The following UBASH3A variants were observed in gnomAD, a reference collection of about 807,000 sequenced individuals.
The protein encoded by UBASH3A is ubiquitin associated and SH3 domain containing A, also known as ubiquitin-associated and SH3 domain-containing protein A.
In UBASH3A, 63 loss-of-function variants were observed where a neutral mutation model predicts 73.5. That is an observed-to-expected ratio of 0.86 (90% CI 0.70 to 1.06). UBASH3A has a LOEUF of 1.06. Among genes scored for constraint, UBASH3A ranks in the 50% least tolerant of loss-of-function variants. The pLI is 0.00. For synonymous variants in UBASH3A, 363 were observed against 351.1 expected, an observed-to-expected ratio of 1.03 and a Z score of -0.38; for missense variants, 860 against 859.0, an observed-to-expected ratio of 1.00 and a Z score of -0.02.
chr21:42,417,871 T>C (rs1192371188), intron 6 of UBASH3A, among the ~76,000 whole-genome samples: 1 of 132,638 alleles, frequency 7.5e-6, no homozygotes, highest in Non-Finnish European at 1.6e-5. Context: ...TTTTTTTTTC[T>C]TTTTTTCTTT....
At chr21:42,425,929 A>G (rs2146550237) in intron 7 of UBASH3A, among the ~76,000 whole-genome samples, 1 of 152,294 alleles carries the variant, frequency 6.6e-6, no homozygotes, top group African/African-American at 2.4e-5. Context: ...GGGATGGTGT[A>G]TTAGTCAGGG....
intron 3 of UBASH3A, among the ~76,000 whole-genome samples, chr21:42,412,036 C>T (rs777259310): frequency 3.9e-5 from 6 of 152,164 alleles, no homozygotes; most frequent in African/African-American, 1.4e-4. Context: ...GAGGGCAGCC[C>T]GGTGCTGGGA....
chr21:42,418,964 T>G (rs78246122), intron 7 of UBASH3A, among the ~76,000 whole-genome samples: 2,617 of 152,232 alleles, frequency 0.017, 78 homozygotes, highest in African/African-American at 0.059. Context: ...AAGTCCTAGG[T>G]CGTATTATTA....
intron 3 of UBASH3A, chr21:42,410,536 C>T (rs1030700459): frequency 1.1e-5 from 4 of 348,308 alleles, no homozygotes; most frequent in African/African-American, 4.2e-5. Context: ...ACCACCACCC[C>T]GGATTGCCCG....
chr21:42,426,116 G>A (rs1200543408), intron 7 of UBASH3A, among the ~76,000 whole-genome samples: 2 of 152,216 alleles, frequency 1.3e-5, no homozygotes, highest in Admixed American at 1.3e-4. Context: ...TACAGCTCAA[G>A]TCCAAAGGTG....
At chr21:42,419,510 G>A (rs969862644) in intron 7 of UBASH3A, among the ~76,000 whole-genome samples, 2 of 152,154 alleles carry the variant, frequency 1.3e-5, no homozygotes, top group South Asian at 2.1e-4. Context: ...TCCTTGCTCC[G>A]ATTTCCTGGA....
intron 10 of UBASH3A, chr21:42,435,607 TA>T (rs1454349031): frequency 6.6e-6 from 1 of 151,266 alleles, no homozygotes; most frequent in Non-Finnish European, 1.5e-5. Context: ...GTCATGGAGT[TA>T]TAGAGTTAGT....
chr21:42,407,720 T>C (rs9981707), intron 2 of UBASH3A, among the ~76,000 whole-genome samples: 74,822 of 152,086 alleles, frequency 0.49, 18,728 homozygotes, highest in African/African-American at 0.53. Flanking sequence ...ACCTTGGCAA[T>C]ATGCACAGCC....
At chr21:42,444,240 C>A (rs1349717717) in intron 13 of UBASH3A, among the ~76,000 whole-genome samples, 1 of 152,210 alleles carries the variant, frequency 6.6e-6, no homozygotes, top group African/African-American at 2.4e-5. Context: ...CGCTACATCC[C>A]AGTCTGTGGC....
chr21:42,447,178 G>C lies in UBASH3A; in HGVS notation c.1970G>C (p.Trp657Ser), dbSNP rs200153989. The C allele has an allele frequency of 7.3e-5, 118 of 1,614,016 alleles. 3 individuals carry two copies. The East Asian group carries it at 2.5e-3, about 34-fold the overall frequency. ...GANAAFNWRNWISGN is the reference protein window; with the variant it reads ...GANAAFNWRNSISGN ...AACGCAGCATTTAACTGGAGGAACT[G>C]GATCTCAGGCAACTGAGAGCCACGG... The change falls in exon 15 of 15, where the codon TGG becomes TCG. Residue 657 changes from tryptophan (W) to serine (S), a missense_variant. Coordinates refer to ENST00000319294, the MANE Select transcript of UBASH3A (RefSeq NM_018961.4).
intron 12 of UBASH3A, among the ~76,000 whole-genome samples, chr21:42,442,827 G>A (rs936864372): frequency 6.6e-6 from 1 of 152,102 alleles, no homozygotes; most frequent in Non-Finnish European, 1.5e-5. Flanking sequence ...TGAGAAGGTG[G>A]GTCATTCTTG....
chr21:42,418,555 T>G lies in UBASH3A; in HGVS notation c.992T>G (p.Leu331Arg), dbSNP rs2053270427. Reference protein sequence around the residue: ...ISQRTGCRGFLPENYTDRASE... With the variant: ...ISQRTGCRGFRPENYTDRASE... Reference sequence around the variant, plus strand: ...CAGCGGACGGGCTGCCGGGGCTTCCTGCCGGAAAACTACACGGATCGAGCC... The same window carrying G: ...CAGCGGACGGGCTGCCGGGGCTTCCGGCCGGAAAACTACACGGATCGAGCC... The change falls in exon 7 of 15, where the codon CTG becomes CGG. Residue 331 changes from leucine (L) to arginine (R), a missense_variant. By Grantham distance (102) the Leu-to-Arg change is moderately radical. Transcript: ENST00000319294. 6.2e-7 allele frequency: 1 copy of G among 1,614,062 alleles called. No homozygotes were observed. Among genetic ancestry groups the G allele is most frequent in the African/African-American group, 1.3e-5 (1 of 74,926 alleles).
At position 42,434,967 on chromosome 21, in the gene UBASH3A, A is replaced by C; in HGVS notation, c.1393+13A>C. On this transcript the variant is annotated intron_variant, in intron 10 of 14. Transcript: ENST00000319294. ...TCCAGAATTGCAGGTATGTTTGAGG[A>C]CTGTCTAGTAGGAAAGGTAACAATA... 6.2e-7 allele frequency: 1 copy of C among 1,613,672 alleles called. No individual in the cohort carries two copies.
chr21:42,409,639 A>G (rs747069809), intron 3 of UBASH3A, 31 bp downstream of exon 3: 2 of 1,581,110 alleles, frequency 1.3e-6, no homozygotes, highest in Middle Eastern at 1.7e-4. Context: ...TTCAATGCTC[A>G]CGGCAGCTGG....
chr21:42,442,351 T>G lies in UBASH3A; in HGVS notation c.1487-101T>G, dbSNP rs1174258931. Reference sequence around the variant, plus strand: ...ATCACACTGTTTAAAAGGCATGATTTAGACGTGTGTGTGACGGTCTGAGAT... The same window carrying G: ...ATCACACTGTTTAAAAGGCATGATTGAGACGTGTGTGTGACGGTCTGAGAT... On this transcript the variant is annotated intron_variant, in intron 11 of 14. Transcript: ENST00000319294. 4 of 1,199,772 alleles carry G rather than the reference T, an allele frequency of 3.3e-6. No individual in the cohort carries two copies. The African/African-American group carries it at 6.1e-5, about 18-fold the overall frequency. The allele number at this position is 1,199,772 out of a possible 1,614,324, so 74.3% of individuals were successfully genotyped here.
At position 42,437,506 on chromosome 21, in the gene UBASH3A, G is replaced by T. The variant is rs1371869736; in HGVS notation, c.1412G>T (p.Ser471Ile). The stretch of plus-strand genomic sequence containing the variant: ...TTTCCAGGGGACGCGCTACTGGACA[G>T]TGGTATCAGAATCAGCTCTGTGTTT... ...SRIAGDALLDSGIRISSVFAS... is the reference protein window; with the variant it reads ...SRIAGDALLDIGIRISSVFAS... Residue 471 changes from serine to isoleucine, a missense_variant, in exon 11 of 15, where the codon AGT (serine) becomes ATT (isoleucine). Coordinates refer to ENST00000319294, the MANE Select transcript of UBASH3A (RefSeq NM_018961.4). The T allele has an allele frequency of 1.2e-6, 2 of 1,614,152 alleles. No homozygotes were observed. The highest frequency in any genetic ancestry group is 1.1e-5 in the South Asian group (1 of 91,086).
intron 11 of UBASH3A, among the ~76,000 whole-genome samples, chr21:42,439,550 G>A (rs1312660324): frequency 6.6e-6 from 1 of 152,168 alleles, no homozygotes; most frequent in African/African-American, 2.4e-5. Flanking sequence ...CCTGACGGCA[G>A]TGTAGCCGGA....
Position 42,416,351 on chromosome 21 carries a change from C to G in UBASH3A, c.668-91C>G, listed in dbSNP as rs181485669. 1.1e-4 allele frequency: 155 copies of G among 1,364,714 alleles called. 5 individuals are homozygous for G. The Admixed American group carries it at 4.0e-3, about 35-fold the overall frequency. 84.5% of individuals were successfully genotyped at this position (1,364,714 alleles called of 1,614,324 possible). A position where few individuals can be genotyped will look rare whatever the true frequency, so the allele number is the denominator to read the frequency against. The stretch of plus-strand genomic sequence containing the variant: ...CAAATGAGCTCTGAGTTCTGAGAGC[C>G]CTTGCCTTGTGGAGGAAGCATGGAG... On this transcript the variant is annotated intron_variant, in intron 5 of 14. Coordinates refer to ENST00000319294, the MANE Select transcript of UBASH3A (RefSeq NM_018961.4).
In UBASH3A at chr21:42,442,494, G is replaced by T. The variant is rs763909384; in HGVS notation, c.1529G>T (p.Gly510Val). Residue 510 changes from glycine to valine, a missense_variant, in exon 12 of 15, where the codon GGA becomes GTA. Gly to Val is a moderately radical substitution (Grantham distance 109, BLOSUM62 -3). Transcript: ENST00000319294. ...EKKIKIRVEP[G>V]IFEWTKWEAG... The stretch of plus-strand genomic sequence containing the variant: ...AAAATCAAGATACGAGTGGAACCTG[G>T]AATCTTTGAATGGACAAAATGGGAA... 2.5e-6 allele frequency: 4 copies of T among 1,614,144 alleles called. No individual in the cohort carries two copies. The highest frequency in any genetic ancestry group is 1.7e-5 in the Admixed American group (1 of 60,022).
Sources: gnomAD v4.1 joint callset for allele counts (sites outside exome capture counted in the v4.1 genomes callset) on GRCh38, gnomAD v4.1.1 for gene constraint, MANE v1.5 for transcripts, NCBI Gene and HGNC (gene_info 2026-07-23, HGNC 2026-07-21) for gene names.